Variants in KMT2A observed in about 807,000 individuals in gnomAD.
KMT2A encodes lysine methyltransferase 2A, also known as histone-lysine N-methyltransferase 2A.
A neutral mutation model predicts 345.3 loss-of-function variants in KMT2A; 16 were observed. The observed-to-expected ratio is 0.05, with a 90% confidence interval of 0.03 to 0.07. The LOEUF is 0.07. Among genes scored for constraint, KMT2A ranks in the 10% least tolerant of loss-of-function variants. The pLI is 1.00. For missense variants in KMT2A, 3,272 were observed against 4,841.6 expected, an observed-to-expected ratio of 0.68 and a Z score of 9.62; for synonymous variants, 1,599 against 1,778.6, an observed-to-expected ratio of 0.90 and a Z score of 2.54.
intron 2 of KMT2A, among the ~76,000 whole-genome samples, chr11:118,470,653 G>A (rs1263902038): frequency 6.6e-6 from 1 of 152,106 alleles, no homozygotes; most frequent in Non-Finnish European, 1.5e-5. Context: ...TAAAACCTTT[G>A]TTGACTTCTG....
chr11:118,496,430 T>G lies in KMT2A; in HGVS notation c.5664+63T>G. 1 of 1,114,800 alleles carries G rather than the reference T, an allele frequency of 9.0e-7. No homozygotes were observed. The highest frequency in any genetic ancestry group is 1.4e-6 in the Non-Finnish European group (1 of 734,874). 69.1% of individuals were successfully genotyped at this position (1,114,800 alleles called of 1,614,324 possible). ...ACTCCAAAAGAACTGTTTGTCCTTG[T>G]GTCCATACTTGATGACTGGGTGCCA... On this transcript the variant is annotated intron_variant, in intron 20 of 35. Transcript: ENST00000534358. This position sits in a 1 kb window ranked among gnomAD's most constrained non-coding sequence, Gnocchi z 4.7.
rs1430700098 is a variant in KMT2A at position 118,510,460 on chromosome 11, C to T, written c.11071+342C>T. Among the ~76,000 whole-genome samples, 1 of 152,120 alleles carries T rather than the reference C, an allele frequency of 6.6e-6. No individual in the cohort carries two copies. The highest frequency in any genetic ancestry group is 1.9e-4 in the East Asian group (1 of 5,188). On this transcript the variant is annotated intron_variant, in intron 30 of 35. Transcript: ENST00000534358. The surrounding 1 kb of genome is among the most constrained non-coding windows in gnomAD (Gnocchi z 4.1). ...CCTTGTGTGCCTTCACACGTGCTTT[C>T]TCCTCTGCCTGGAGTTCTCTCCCTG...
chr11:118,484,605 G>A lies in KMT2A; in HGVS notation c.4219-257G>A, dbSNP rs1230117552. ...GTATCAAACCATGATGATTCCTTGA[G>A]TCAGCAAAACTGTAAGAGAAATTCA... is the stretch of plus-strand genomic sequence containing the variant. On this transcript the variant is annotated intron_variant, in intron 9 of 35. Transcript: ENST00000534358. The surrounding 1 kb of genome is among the most constrained non-coding windows in gnomAD (Gnocchi z 4.1). Among the ~76,000 whole-genome samples the A allele has an allele frequency of 6.6e-6, 1 of 152,202 alleles. No homozygotes were observed. The highest frequency in any genetic ancestry group is 6.5e-5 in the Admixed American group (1 of 15,286).
At chr11:118,492,492 A>G (rs9332813) in intron 15 of KMT2A, among the ~76,000 whole-genome samples, 1,656 of 152,322 alleles carry the variant, frequency 0.011, 27 homozygotes, top group African/African-American at 0.037. Context: ...ATCCTGGCTA[A>G]CACGGTGAAA....
At chr11:118,460,551 A>G (rs1949727351) in intron 1 of KMT2A, among the ~76,000 whole-genome samples, 1 of 152,186 alleles carries the variant, frequency 6.6e-6, no homozygotes, top group Non-Finnish European at 1.5e-5. Context: ...TGGCCTCACA[A>G]AATGCTGGGT....
intron 32 of KMT2A, 76 bp downstream of exon 32, chr11:118,519,868 A>T (rs1950919087): frequency 1.3e-6 from 2 of 1,557,572 alleles, no homozygotes; most frequent in African/African-American, 2.7e-5. Context: ...CTTCCCACAT[A>T]CCCTTTGAGA....
chr11:118,490,286 T>G lies in KMT2A; in HGVS notation c.4696+37T>G. 1 of 1,518,476 alleles carries G rather than the reference T, an allele frequency of 6.6e-7. No individual in the cohort carries two copies. Among genetic ancestry groups the G allele is most frequent in the Non-Finnish European group, 8.8e-7 (1 of 1,142,774 alleles). The allele number at this position is 1,518,476 out of a possible 1,614,324, so 94.1% of individuals were successfully genotyped here. A position where few individuals can be genotyped will look rare whatever the true frequency, so the allele number is the denominator to read the frequency against. On this transcript the variant is annotated intron_variant, in intron 13 of 35. Coordinates refer to ENST00000534358, the MANE Select transcript of KMT2A (RefSeq NM_001197104.2). This position sits in a 1 kb window ranked among gnomAD's most constrained non-coding sequence, Gnocchi z 4.2. ...AGCCAGTTTTGCCAGCTTTCGGAGG[T>G]TGTACTTGGTGTTCTGGAGGTGAAC... is the stretch of plus-strand genomic sequence containing the variant.
rs2135287635 is a variant in KMT2A, at chr11:118,520,479, T to C, written c.11430-323T>C. 1 of 353,586 alleles carries C rather than the reference T, an allele frequency of 2.8e-6. No individual in the cohort carries two copies. Among genetic ancestry groups the C allele is most frequent in the South Asian group, 3.9e-5 (1 of 25,696 alleles). 21.9% of individuals were successfully genotyped at this position (353,586 alleles called of 1,614,324 possible). A position where few individuals can be genotyped will look rare whatever the true frequency, so the allele number is the denominator to read the frequency against. ...CAGCCTGACCAACATAGTGAAACCCTATCTCTACTAAAAATACAAAAATTA... is the reference window on the plus strand; with the variant it reads ...CAGCCTGACCAACATAGTGAAACCCCATCTCTACTAAAAATACAAAAATTA... On this transcript the variant is annotated intron_variant, in intron 33 of 35. Transcript: ENST00000534358. The surrounding 1 kb of genome is among the most constrained non-coding windows in gnomAD (Gnocchi z 4.3).
At position 118,490,446 on chromosome 11, in the gene KMT2A, A is replaced by G. The variant is rs1950307375; in HGVS notation, c.4696+197A>G. Reference sequence around the variant, plus strand: ...AGTTTATACGGGAAGTGTTAAGGGGACTTTTCATTATAACTAACCACAAAG... The same window carrying G: ...AGTTTATACGGGAAGTGTTAAGGGGGCTTTTCATTATAACTAACCACAAAG... On this transcript the variant is annotated intron_variant, in intron 13 of 35. Transcript: ENST00000534358. The surrounding 1 kb of genome is among the most constrained non-coding windows in gnomAD (Gnocchi z 4.2). 6.6e-6 allele frequency among the ~76,000 whole-genome samples: 1 copy of G among 152,190 alleles called. No homozygotes were observed. Among genetic ancestry groups the G allele is most frequent in the Admixed American group, 6.5e-5 (1 of 15,274 alleles).
At chr11:118,492,454 C>T (rs1284751234) in intron 15 of KMT2A, among the ~76,000 whole-genome samples, 1 of 152,160 alleles carries the variant, frequency 6.6e-6, no homozygotes, top group African/African-American at 2.4e-5. Flanking sequence ...CCGAGGCGGG[C>T]GGATCACGAG....
intron 5 of KMT2A, among the ~76,000 whole-genome samples, chr11:118,478,958 A>C (rs1347130506): frequency 1.3e-5 from 2 of 152,144 alleles, no homozygotes; most frequent in Non-Finnish European, 1.5e-5. Flanking sequence ...GTTTTGTTTT[A>C]ATTTTTATGG....
At chr11:118,438,438 G>A (rs1305780528) in intron 1 of KMT2A, among the ~76,000 whole-genome samples, 1 of 142,528 alleles carries the variant, frequency 7.0e-6, no homozygotes, top group Non-Finnish European at 1.5e-5. Flanking sequence ...TCGAATTGTA[G>A]AGGGGGGAGG....
At position 118,482,127 on chromosome 11, in the gene KMT2A, A is replaced by G. The variant is rs781908837; in HGVS notation, c.4012+35A>G. 7.1e-6 allele frequency: 11 copies of G among 1,552,912 alleles called. No individual in the cohort carries two copies. The South Asian group carries it at 1.1e-4, about 16-fold the overall frequency. ...GAGGGCAAGAAGGAATTGCTGAACC[A>G]CAAGTACTAACAAAAAAGCACTGAT... On this transcript the variant is annotated intron_variant, in intron 7 of 35. Coordinates refer to ENST00000534358, the MANE Select transcript of KMT2A (RefSeq NM_001197104.2).
chr11:118,475,108 G>A (rs1207535701), intron 3 of KMT2A, among the ~76,000 whole-genome samples: 1 of 152,096 alleles, frequency 6.6e-6, no homozygotes, highest in African/African-American at 2.4e-5. Context: ...ACTCCAGCCT[G>A]GGCCAATAGA....
intron 11 of KMT2A, among the ~76,000 whole-genome samples, chr11:118,489,412 T>G (rs1950289384): frequency 6.6e-6 from 1 of 152,140 alleles, no homozygotes; most frequent in Non-Finnish European, 1.5e-5. Context: ...CTTTCTTGAT[T>G]TGTATTTCTG....
chr11:118,468,650 G>T (rs1555034722), intron 1 of KMT2A, 125 bp from the exon 2 acceptor site: 2 of 699,962 alleles, frequency 2.9e-6, no homozygotes, highest in Non-Finnish European at 5.2e-6. Flanking sequence ...CCATTGGAAT[G>T]ATGATAATTA....
rs2134394940 is a variant in KMT2A, at chr11:118,503,765, C to T, written c.7873C>T (p.Arg2625Cys). The T allele has an allele frequency of 6.2e-7, 1 of 1,614,148 alleles. No homozygotes were observed. The highest frequency in any genetic ancestry group is 8.5e-7 in the Non-Finnish European group (1 of 1,180,032). Reference protein sequence around the residue: ...FKRRYPRRSARARSNMFFGLT... With the variant: ...FKRRYPRRSACARSNMFFGLT... ...AAGGAGGTATCCCCGTCGCAGTGCC[C>T]GTGCACGTTCTAACATGTTTTTTGG... The change falls in exon 27 of 36, where the codon CGT becomes TGT. Residue 2625 changes from arginine (R) to cysteine (C), a missense_variant. Around this residue, in one of 27 missense-constraint regions of KMT2A, gnomAD observed 21 missense variants for 74.6 expected, o/e 0.28. Coordinates refer to ENST00000534358, the MANE Select transcript of KMT2A (RefSeq NM_001197104.2). The surrounding 1 kb of genome is among the most constrained non-coding windows in gnomAD (Gnocchi z 5.3).
chr11:118,489,696 C>A, intron 11 of KMT2A, 96 bp from the exon 12 acceptor site: 1 of 932,226 alleles, frequency 1.1e-6, no homozygotes, highest in Non-Finnish European at 1.7e-6. Flanking sequence ...GTGTGCTGTA[C>A]TTACTTGCCA....
chr11:118,442,530 T>C (rs904707211), intron 1 of KMT2A, among the ~76,000 whole-genome samples: 6 of 152,172 alleles, frequency 3.9e-5, no homozygotes, highest in Non-Finnish European at 5.9e-5. Flanking sequence ...AGACTCGTGA[T>C]TTTTGTGGAC....
Sources: gnomAD v4.1 joint callset for allele counts (sites outside exome capture counted in the v4.1 genomes callset) on GRCh38, gnomAD v4.1.1 for gene constraint, gnomAD v4.1.1 regional missense constraint, Gnocchi (gnomAD v3.1) non-coding constraint, MANE v1.5 for transcripts, NCBI Gene and HGNC (gene_info 2026-07-23, HGNC 2026-07-21) for gene names.